GLRX5: variants seen among roughly 807,000 people sequenced by gnomAD.
The protein encoded by GLRX5 is glutaredoxin 5.
A neutral mutation model predicts 13.8 loss-of-function variants in GLRX5; 10 were observed. The ratio of observed to expected loss-of-function variants is 0.72; its 90% CI spans 0.45 to 1.23. The LOEUF is 1.23. Ranked by LOEUF, GLRX5 falls within the 50% of genes most tolerant of loss-of-function variation. The probability of loss-of-function intolerance (pLI) is 0.00; values close to 1 mark genes in which losing one functional copy is unlikely to be tolerated. For synonymous variants in GLRX5, 98 were observed against 101.1 expected (o/e 0.97, Z 0.18); for missense variants, 233 against 215.2 (o/e 1.08, Z -0.52).
Position 95,535,227 on chromosome 14 carries a change from C to T in GLRX5, c.138C>T (p.Asp46=), listed in dbSNP as rs778023417. 3.9e-6 allele frequency: 6 copies of T among 1,553,354 alleles called. No homozygotes were observed. The highest frequency in any genetic ancestry group is 5.2e-6 in the Non-Finnish European group (6 of 1,151,790). The part of the protein sequence containing the change: ...AGGGGSAEQL[D]ALVKKDKVVV... Reference sequence around the variant, plus strand: ...GCGGCGGCTCGGCGGAGCAGTTGGACGCGCTGGTGAAGAAGGACAAGGTGG... The same window carrying T: ...GCGGCGGCTCGGCGGAGCAGTTGGATGCGCTGGTGAAGAAGGACAAGGTGG... The change falls in exon 1 of 2, where the codon GAC becomes GAT. Residue 46 remains aspartate (D), a synonymous_variant. Coordinates refer to ENST00000331334, the MANE Select transcript of GLRX5 (RefSeq NM_016417.3).
At chr14:95,541,472 AC>A (rs745507753) in intron 1 of GLRX5, among the ~76,000 whole-genome samples, 1 of 152,192 alleles carries the variant, frequency 6.6e-6, no homozygotes, top group Non-Finnish European at 1.5e-5. Context: ...TGCCTATTAC[AC>A]CTATTCATCT....
chr14:95,544,224 C>A lies in GLRX5; in HGVS notation c.*99C>A. On this transcript the variant is annotated 3_prime_UTR_variant, in exon 2 of 2. Coordinates refer to ENST00000331334, the MANE Select transcript of GLRX5 (RefSeq NM_016417.3). ...ATTTTGGTTTTCACTATTGAGACCG[C>A]AACTGCTTGCACTGATCATTTTGGT... is the stretch of plus-strand genomic sequence containing the variant. 1.1e-6 allele frequency: 1 copy of A among 902,586 alleles called. No individual in the cohort carries two copies. The highest frequency in any genetic ancestry group is 1.8e-6 in the Non-Finnish European group (1 of 557,066). 55.9% of individuals were successfully genotyped at this position (902,586 alleles called of 1,614,324 possible).
rs759888657 is a variant in GLRX5, at chr14:95,544,154, G to T, written c.*29G>T. On this transcript the variant is annotated 3_prime_UTR_variant, in exon 2 of 2. Coordinates refer to ENST00000331334, the MANE Select transcript of GLRX5 (RefSeq NM_016417.3). ...CGGCCAAGTCCTCGCTGAGCAGAGA[G>T]GGAGCCGTTCATGTCAGAGACTCAC... 3 of 1,601,742 alleles carry T rather than the reference G, an allele frequency of 1.9e-6. No individual in the cohort carries two copies. Among genetic ancestry groups the T allele is most frequent in the Non-Finnish European group, 2.6e-6 (3 of 1,170,638 alleles).
At chr14:95,538,091 C>G (rs1891410685) in intron 1 of GLRX5, among the ~76,000 whole-genome samples, 1 of 47,518 alleles carries the variant, frequency 2.1e-5, no homozygotes, top group Admixed American at 2.7e-4. Flanking sequence ...GATCTAGTTC[C>G]TAACAGTTTT....
intron 1 of GLRX5, among the ~76,000 whole-genome samples, chr14:95,541,215 A>G (rs1021761361): frequency 6.6e-6 from 1 of 152,256 alleles, no homozygotes; most frequent in African/African-American, 2.4e-5. Flanking sequence ...TGCATATTGC[A>G]GTTTTTGAAA....
chr14:95,543,063 A>AT, intron 1 of GLRX5: 1 of 456,050 alleles, frequency 2.2e-6, no homozygotes, highest in Non-Finnish European at 4.4e-6. Flanking sequence ...CCTCAGAGCC[A>AT]TTTGCACACA....
chr14:95,539,913 G>A (rs1337850682), intron 1 of GLRX5, among the ~76,000 whole-genome samples: 1 of 147,982 alleles, frequency 6.8e-6, no homozygotes, highest in Non-Finnish European at 1.5e-5. Context: ...TTTTTTTTGA[G>A]AGAGTGTTAC....
At chr14:95,535,670 A>G (rs559023118) in intron 1 of GLRX5, among the ~76,000 whole-genome samples, 2 of 152,316 alleles carry the variant, frequency 1.3e-5, no homozygotes, top group South Asian at 4.1e-4. Flanking sequence ...TCGAGCTAAT[A>G]TAGGCGTTTC....
chr14:95,538,960 C>T (rs1307866442), intron 1 of GLRX5, among the ~76,000 whole-genome samples: 1 of 152,214 alleles, frequency 6.6e-6, no homozygotes, highest in Non-Finnish European at 1.5e-5. Flanking sequence ...CATGGGTCCC[C>T]AACCCCCAGG....
chr14:95,538,445 C>A (rs1000809258), intron 1 of GLRX5, among the ~76,000 whole-genome samples: 1 of 152,186 alleles, frequency 6.6e-6, no homozygotes, highest in African/African-American at 2.4e-5. Context: ...ATACGCTCCA[C>A]CTTTTCAGTA....
chr14:95,541,094 T>C (rs1026733366), intron 1 of GLRX5, among the ~76,000 whole-genome samples: 4 of 152,254 alleles, frequency 2.6e-5, no homozygotes, highest in African/African-American at 9.6e-5. Context: ...GTCTATCACA[T>C]ATGAAATAAT....
At position 95,544,551 on chromosome 14, in the gene GLRX5, A is replaced by G. The variant is rs1891528328; in HGVS notation, c.*426A>G. On this transcript the variant is annotated 3_prime_UTR_variant, in exon 2 of 2. Transcript: ENST00000331334. The stretch of plus-strand genomic sequence containing the variant: ...GTGAACAAAAAAAGAAACTGTGATA[A>G]CTGGGGCGTTGTTTTTTAAAATAAA... 9.6e-6 allele frequency: 2 copies of G among 208,514 alleles called. No homozygotes were observed. Among genetic ancestry groups the G allele is most frequent in the Non-Finnish European group, 2.0e-5 (2 of 101,508 alleles). 12.9% of individuals were successfully genotyped at this position (208,514 alleles called of 1,614,324 possible). A position where few individuals can be genotyped will look rare whatever the true frequency, so the allele number is the denominator to read the frequency against.
Position 95,544,343 on chromosome 14 carries a change from A to G in GLRX5, c.*218A>G, listed in dbSNP as rs758590723. On this transcript the variant is annotated 3_prime_UTR_variant, in exon 2 of 2. Transcript: ENST00000331334. ...ACAACCACTGCACTGTAATGATTCA[A>G]TGCTGTATTATGATATTGCTGTAAA... 5.5e-5 allele frequency: 32 copies of G among 585,176 alleles called. No homozygotes were observed. The highest frequency in any genetic ancestry group is 9.5e-5 in the Non-Finnish European group (31 of 327,066). The allele number at this position is 585,176 out of a possible 1,614,324, so 36.2% of individuals were successfully genotyped here.
chr14:95,543,604 A>G (rs1230996146), intron 1 of GLRX5: 20 of 334,378 alleles, frequency 6.0e-5, no homozygotes, highest in Non-Finnish European at 1.1e-4. Context: ...GTCCTCTGCC[A>G]TTAATCTAAG....
At chr14:95,541,252 G>A (rs977870667) in intron 1 of GLRX5, among the ~76,000 whole-genome samples, 4 of 152,196 alleles carry the variant, frequency 2.6e-5, no homozygotes, top group African/African-American at 9.7e-5. Flanking sequence ...GATTAACCAT[G>A]TGTAAACAGT....
rs765749786 is a variant in GLRX5 at position 95,535,175 on chromosome 14, T to TGCGGGCGGCGGGCTCGGGC, written c.98_116dup (p.Gly40LeufsTer68). 25 of 1,467,188 alleles carry TGCGGGCGGCGGGCTCGGGC rather than the reference T, an allele frequency of 1.7e-5. No individual in the cohort carries two copies. The South Asian group carries it at 2.5e-4, about 15-fold the overall frequency. 90.9% of individuals were successfully genotyped at this position (1,467,188 alleles called of 1,614,324 possible). A position where few individuals can be genotyped will look rare whatever the true frequency, so the allele number is the denominator to read the frequency against. ...GGCGGTGGCCTTTGGGGTCCGGGCG[T>TGCGGGCGGCGGGCTCGGGC]GCGGGCGGCGGGCTCGGGCGCGGGC... is the stretch of plus-strand genomic sequence containing the variant. On this transcript the variant is annotated frameshift_variant, in exon 1 of 2. Coordinates refer to ENST00000331334, the MANE Select transcript of GLRX5 (RefSeq NM_016417.3). LOFTEE classifies it high-confidence loss of function.
At position 95,540,130 on chromosome 14, in the gene GLRX5, A is replaced by G. The variant is rs1432277799; in HGVS notation, c.296-3817A>G. Among the ~76,000 whole-genome samples the G allele has an allele frequency of 3.3e-5, 5 of 152,150 alleles. No homozygotes were observed. In the South Asian group the frequency reaches 6.2e-4, roughly 19 times the overall value. The stretch of plus-strand genomic sequence containing the variant: ...GGTCTTGAACTCCTGACCTCAGGTG[A>G]TGCACCAGCCTTGGCCTCCCAAAGT... On this transcript the variant is annotated intron_variant, in intron 1 of 1. Coordinates refer to ENST00000331334, the MANE Select transcript of GLRX5 (RefSeq NM_016417.3).
chr14:95,535,465 C>A, intron 1 of GLRX5, 81 bp downstream of exon 1: 1 of 1,364,996 alleles, frequency 7.3e-7, no homozygotes, highest in Non-Finnish European at 1.0e-6. Flanking sequence ...TTCCGCCGCG[C>A]CGGGCTGGGG....
intron 1 of GLRX5, 43 bp downstream of exon 1, chr14:95,535,427 A>G (rs1404286203): frequency 6.6e-7 from 1 of 1,522,854 alleles, no homozygotes; most frequent in Non-Finnish European, 8.8e-7. Flanking sequence ...CCCCGGGCCC[A>G]GGAGCATCGC....
Sources: allele counts gnomAD v4.1 joint callset (sites outside exome capture counted in the v4.1 genomes callset), GRCh38; gene constraint gnomAD v4.1.1; transcripts MANE v1.5; gene names NCBI Gene and HGNC (gene_info 2026-07-23, HGNC 2026-07-21).